Variants in HIVEP1 observed in about 807,000 individuals in gnomAD.
The protein encoded by HIVEP1 is HIVEP zinc finger 1.
A neutral mutation model predicts 180.0 loss-of-function variants in HIVEP1; 36 were observed. That is an observed-to-expected ratio of 0.20 (90% CI 0.15 to 0.26). The LOEUF is 0.26. HIVEP1 is among the 10% of genes least tolerant of loss of function. HIVEP1 has a pLI of 1.00. For synonymous variants in HIVEP1, 1,239 were observed against 1,239.0 expected, an observed-to-expected ratio of 1.00 and a Z score of 0.00; for missense variants, 3,143 against 3,268.7, an observed-to-expected ratio of 0.96 and a Z score of 0.94.
the HIVEP1 span, among the ~76,000 whole-genome samples, chr6:12,198,716 A>G: frequency 6.6e-6 from 1 of 152,218 alleles, no homozygotes; most frequent in Non-Finnish European, 1.5e-5. Flanking sequence ...TTTCCTGAGG[A>G]GGCAACAACA....
the HIVEP1 span, among the ~76,000 whole-genome samples, chr6:12,209,223 G>T: frequency 6.6e-6 from 1 of 152,148 alleles, no homozygotes; most frequent in Admixed American, 6.5e-5. Flanking sequence ...CACAAGGTCA[G>T]GAGATCGAGA....
chr6:12,156,092 C>A (rs1031456838), intron 7 of HIVEP1, among the ~76,000 whole-genome samples: 11 of 152,068 alleles, frequency 7.2e-5, no homozygotes, highest in East Asian at 1.9e-4. Flanking sequence ...GCTTTTTAAT[C>A]GGGTTACTTT....
the HIVEP1 span, among the ~76,000 whole-genome samples, chr6:12,207,302 A>G: frequency 1.3e-5 from 2 of 152,210 alleles, no homozygotes; most frequent in South Asian, 4.1e-4. Flanking sequence ...ATATTTAGCT[A>G]TTGGAAAGAC....
At chr6:12,160,806 T>C (rs960495487) in intron 7 of HIVEP1, among the ~76,000 whole-genome samples, 1 of 152,200 alleles carries the variant, frequency 6.6e-6, no homozygotes, top group African/African-American at 2.4e-5. Flanking sequence ...CAGCTACCTG[T>C]GGCAATGGGA....
chr6:12,050,932 TG>T (rs1770473083), intron 2 of HIVEP1, among the ~76,000 whole-genome samples: 1 of 149,374 alleles, frequency 6.7e-6, no homozygotes, highest in Non-Finnish European at 1.5e-5. Context: ...TCATTGCTAC[TG>T]GGTTGGCCGT....
intron 5 of HIVEP1, among the ~76,000 whole-genome samples, 164 bp from the exon 6 acceptor site, chr6:12,130,603 G>A (rs1758364799): frequency 6.6e-6 from 1 of 152,136 alleles, no homozygotes; most frequent in Non-Finnish European, 1.5e-5. Flanking sequence ...TATATTAAGT[G>A]TTGATGTAAA....
the HIVEP1 span, among the ~76,000 whole-genome samples, chr6:12,171,253 A>G: frequency 1.3e-5 from 2 of 152,132 alleles, no homozygotes; most frequent in Non-Finnish European, 2.9e-5. Flanking sequence ...GGATTTTGCT[A>G]TGTTGCCCAG....
the HIVEP1 span, among the ~76,000 whole-genome samples, chr6:12,171,513 T>C: frequency 6.6e-6 from 1 of 152,168 alleles, no homozygotes. Flanking sequence ...AAGCTCACAG[T>C]GGCCCCTGTG....
At chr6:12,089,842 A>G (rs573635509) in intron 3 of HIVEP1, among the ~76,000 whole-genome samples, 112 of 152,126 alleles carry the variant, frequency 7.4e-4, no homozygotes, top group African/African-American at 2.6e-3. Context: ...AAGTGTGTAT[A>G]CAAGTATTTA....
Position 12,123,043 on chromosome 6 carries a change from A to G in HIVEP1, c.3248A>G (p.His1083Arg). 1 of 1,614,250 alleles carries G rather than the reference A, an allele frequency of 6.2e-7. No individual in the cohort carries two copies. Among genetic ancestry groups the G allele is most frequent in the Non-Finnish European group, 8.5e-7 (1 of 1,180,044 alleles). Reference sequence around the variant, plus strand: ...GTTACCATAAGAAGTGACCAGCAGCATAAAAATATACAGTTGCAAAACTCC... The same window carrying G: ...GTTACCATAAGAAGTGACCAGCAGCGTAAAAATATACAGTTGCAAAACTCC... Reference protein sequence around the residue: ...HNVTIRSDQQHKNIQLQNSHI... With the variant: ...HNVTIRSDQQRKNIQLQNSHI... Residue 1083 changes from histidine to arginine, a missense_variant, in exon 4 of 9, where the codon CAT becomes CGT. Coordinates refer to ENST00000379388, the MANE Select transcript of HIVEP1 (RefSeq NM_002114.4).
At chr6:12,096,065 C>T (rs890122011) in intron 3 of HIVEP1, among the ~76,000 whole-genome samples, 2 of 151,898 alleles carry the variant, frequency 1.3e-5, no homozygotes, top group African/African-American at 2.4e-5. Context: ...ACATTATTTT[C>T]TGTCTCACAA....
chr6:12,082,503 G>A (rs191008343), intron 2 of HIVEP1, among the ~76,000 whole-genome samples: 2 of 151,998 alleles, frequency 1.3e-5, no homozygotes, highest in Non-Finnish European at 2.9e-5. Flanking sequence ...TGATACCCGC[G>A]GTCAAATTTT....
chr6:12,205,196 G>A, the HIVEP1 span, among the ~76,000 whole-genome samples: 4 of 152,214 alleles, frequency 2.6e-5, no homozygotes. Context: ...AAGCGGCTGG[G>A]CGCGGTGGCT....
At chr6:12,194,200 T>C in the HIVEP1 span, among the ~76,000 whole-genome samples, 1 of 152,216 alleles carries the variant, frequency 6.6e-6, no homozygotes, top group Non-Finnish European at 1.5e-5. Flanking sequence ...AAAATTAATG[T>C]TACCTATTTC....
rs12216165 is a variant in HIVEP1 at position 12,060,298 on chromosome 6, C to G, written c.41-28886C>G. Among the ~76,000 whole-genome samples, 937 of 152,290 alleles carry G rather than the reference C, an allele frequency of 6.2e-3. 13 individuals carry two copies. Among genetic ancestry groups the G allele is most frequent in the East Asian group, 8.7e-3 (45 of 5,190 alleles). ...ATCTCTGTAGCCATATGAAGTGTAA[C>G]TAGCCATTATATTTGCTTCTTTAAA... On this transcript the variant is annotated intron_variant, in intron 2 of 8. Transcript: ENST00000379388.
At chr6:12,062,129 A>G (rs1771278229) in intron 2 of HIVEP1, among the ~76,000 whole-genome samples, 1 of 152,186 alleles carries the variant, frequency 6.6e-6, no homozygotes, top group African/African-American at 2.4e-5. Flanking sequence ...TTAAAAGTAT[A>G]GTGTTAGGTA....
chr6:12,060,367 TA>T (rs772880026), intron 2 of HIVEP1, among the ~76,000 whole-genome samples: 2 of 152,344 alleles, frequency 1.3e-5, no homozygotes, highest in African/African-American at 2.4e-5. Flanking sequence ...CAGTATAAAC[TA>T]AACCTGATAA....
intron 5 of HIVEP1, 150 bp from the exon 6 acceptor site, chr6:12,130,617 C>A: frequency 4.1e-6 from 2 of 492,044 alleles, no homozygotes; most frequent in South Asian, 3.7e-5. Context: ...ATGTAAAAAG[C>A]TGGAATATTC....
At chr6:12,165,194 T>A, downstream of HIVEP1, 1 of 484,818 alleles carries the variant, frequency 2.1e-6, no homozygotes, top group Non-Finnish European at 4.1e-6. Context: ...TTTTCTTATT[T>A]GTGAGAAGTC....
Sources: allele counts gnomAD v4.1 joint callset (sites outside exome capture counted in the v4.1 genomes callset), GRCh38; gene constraint gnomAD v4.1.1; transcripts MANE v1.5; gene names NCBI Gene and HGNC (gene_info 2026-07-23, HGNC 2026-07-21).